The following POGZ variants were observed in gnomAD, a reference collection of about 807,000 sequenced individuals.
POGZ encodes the protein pogo transposable element derived with ZNF domain.
POGZ carries 17 observed loss-of-function variants against 134.6 expected under a neutral mutation model. The ratio of observed to expected loss-of-function variants is 0.13; its 90% CI spans 0.09 to 0.19. POGZ has a LOEUF of 0.19. POGZ is among the 10% of genes least tolerant of loss of function. The pLI is 1.00. For missense variants in POGZ, 1,306 were observed against 1,769.7 expected, an observed-to-expected ratio of 0.74 and a Z score of 4.70; for synonymous variants, 693 against 657.1, an observed-to-expected ratio of 1.05 and a Z score of -0.84.
chr1:151,453,177 C>G (rs1160823795), intron 1 of POGZ, among the ~76,000 whole-genome samples: 1 of 151,980 alleles, frequency 6.6e-6, no homozygotes, highest in Non-Finnish European at 1.5e-5. Flanking sequence ...ATCTTGGCCT[C>G]CCAAAGTGCT....
chr1:151,434,771 A>G (rs937227661), intron 3 of POGZ, among the ~76,000 whole-genome samples: 2 of 151,632 alleles, frequency 1.3e-5, no homozygotes, highest in African/African-American at 4.8e-5. Flanking sequence ...TTTAGTAGAG[A>G]CGGGGTTTTA....
chr1:151,456,919 G>A (rs1662841604), intron 1 of POGZ, among the ~76,000 whole-genome samples: 1 of 152,134 alleles, frequency 6.6e-6, no homozygotes, highest in Non-Finnish European at 1.5e-5. Flanking sequence ...CTGCTTCAAG[G>A]GCATTCTCAA....
intron 1 of POGZ, among the ~76,000 whole-genome samples, chr1:151,447,611 T>C (rs1333788306): frequency 2.0e-5 from 3 of 150,774 alleles, no homozygotes; most frequent in African/African-American, 4.9e-5. Flanking sequence ...AACTAACTCT[T>C]GGGATAACCA....
At position 151,442,225 on chromosome 1, in the gene POGZ, A is replaced by G. The variant is rs779090694; in HGVS notation, c.-1-20T>C. ...GCCATGCTATAAGAAAAACATTCAA[A>G]TAAGATATGGGCCTAAGAATAGGAG... On this transcript the variant is annotated intron_variant, in intron 1 of 18. Transcript: ENST00000271715. 7.5e-6 allele frequency: 12 copies of G among 1,607,926 alleles called. No homozygotes were observed. The highest frequency in any genetic ancestry group is 1.0e-5 in the Non-Finnish European group (12 of 1,177,206).
intron 5 of POGZ, 85 bp from the exon 6 acceptor site, chr1:151,428,498 TCC>T: frequency 8.6e-7 from 1 of 1,160,502 alleles, no homozygotes; most frequent in Non-Finnish European, 1.3e-6. Flanking sequence ...AAAGATTATT[TCC>T]CCAAACTGAT....
At position 151,431,060 on chromosome 1, in the gene POGZ, C is replaced by T. The variant is rs1485400870; in HGVS notation, c.284-219G>A. ...AGGTGATTCTTCCACCTCAGCCTCC[C>T]AAGTACAAATCCACATTTTATTAGA... On this transcript the variant is annotated intron_variant, in intron 3 of 18. Transcript: ENST00000271715. Among the ~76,000 whole-genome samples the T allele has an allele frequency of 2.0e-5, 3 of 152,156 alleles. No homozygotes were observed. In the East Asian group the frequency reaches 5.8e-4, roughly 29 times the overall value.
chr1:151,427,787 A>G (rs760041099), intron 7 of POGZ, 36 bp downstream of exon 7: 13 of 1,347,420 alleles, frequency 9.6e-6, no homozygotes, highest in Admixed American at 5.2e-5. Context: ...ATGTTTTTGA[A>G]TGACTGGCTG....
intron 7 of POGZ, 156 bp from the exon 8 acceptor site, chr1:151,425,217 T>G: frequency 1.9e-6 from 1 of 512,966 alleles, no homozygotes; most frequent in South Asian, 2.0e-5. Context: ...TTGTTTTTTT[T>G]GAGACACGGT....
At chr1:151,417,688 CCACACACACACACA>C (rs59753677) in intron 10 of POGZ, among the ~76,000 whole-genome samples, 55 of 137,562 alleles carry the variant, frequency 4.0e-4, no homozygotes, top group East Asian at 3.7e-3. Flanking sequence ...GGTACTGTGG[CCACACACACACACA>C]CACACACACA....
rs944079061 is a variant in POGZ at position 151,403,518 on chromosome 1, G to T, written c.*1284C>A. 1 of 985,042 alleles carries T rather than the reference G, an allele frequency of 1.0e-6. No individual in the cohort carries two copies. Among genetic ancestry groups the T allele is most frequent in the Non-Finnish European group, 1.2e-6 (1 of 829,422 alleles). The allele number at this position is 985,042 out of a possible 1,614,324, so 61.0% of individuals were successfully genotyped here. ...GGTTTTTTGCTCCTTTTCTCTGTAC[G>T]GTACAGTACGTTTTGGTTTACAACC... On this transcript the variant is annotated 3_prime_UTR_variant, in exon 19 of 19. Transcript: ENST00000271715.
intron 1 of POGZ, among the ~76,000 whole-genome samples, chr1:151,450,415 C>T (rs1661904164): frequency 2.0e-5 from 3 of 151,992 alleles, no homozygotes; most frequent in South Asian, 2.1e-4. Context: ...TGCAGTGGCG[C>T]GATCTCAACT....
intron 1 of POGZ, among the ~76,000 whole-genome samples, chr1:151,456,217 T>C (rs926085400): frequency 1.3e-5 from 2 of 152,226 alleles, no homozygotes; most frequent in African/African-American, 2.4e-5. Flanking sequence ...TACTGAGTTA[T>C]GCCCATCTTC....
Position 151,441,055 on chromosome 1 carries a change from T to C in POGZ, c.156A>G (p.Pro52=). Residue 52 remains proline (P), a synonymous_variant, in exon 3 of 19, where the codon CCA becomes CCG. Transcript: ENST00000271715. The part of the protein sequence containing the change: ...VSVSQQPVSA[P]VPIAAHASVA... ...CAGAAGCATGGGCAGCGATGGGCACTGGAGCCGAGACTGGCTGCTGGCTCA... is the reference window on the plus strand; with the variant it reads ...CAGAAGCATGGGCAGCGATGGGCACCGGAGCCGAGACTGGCTGCTGGCTCA... The C allele has an allele frequency of 6.2e-7, 1 of 1,613,936 alleles. No individual in the cohort carries two copies. Among genetic ancestry groups the C allele is most frequent in the Non-Finnish European group, 8.5e-7 (1 of 1,179,920 alleles).
intron 1 of POGZ, among the ~76,000 whole-genome samples, chr1:151,452,097 C>CAAAAAA (rs574531921): frequency 5.1e-5 from 3 of 59,018 alleles, no homozygotes; most frequent in African/African-American, 1.2e-4. Flanking sequence ...GACTCCGTCT[C>CAAAAAA]AAAAAAAAAA....
rs1163568013 is a variant in POGZ, at chr1:151,429,622, T to C, written c.549A>G (p.Arg183=). 4 of 1,599,444 alleles carry C rather than the reference T, an allele frequency of 2.5e-6. No individual in the cohort carries two copies. The Admixed American group carries it at 6.7e-5, about 27-fold the overall frequency. ...VLNVQQGQTV[R]PITLVPAPGT... ...CCTTACCTGGAACTAGTGTAATTGG[T>C]CTAACCGTTTGGCCTTGCTGTACGT... Residue 183 remains arginine (R), a synonymous_variant, in exon 5 of 19, where the codon AGA becomes AGG. Coordinates refer to ENST00000271715, the MANE Select transcript of POGZ (RefSeq NM_015100.4).
In POGZ at chr1:151,445,842, G is replaced by A. The variant is rs79870698; in HGVS notation, c.-1-3637C>T. On this transcript the variant is annotated intron_variant, in intron 1 of 18. Coordinates refer to ENST00000271715, the MANE Select transcript of POGZ (RefSeq NM_015100.4). ...AACTCAGGGTCTAAAAGATACAACAGAGATATATCAACCTAATATAAATAT... is the reference window on the plus strand; with the variant it reads ...AACTCAGGGTCTAAAAGATACAACAAAGATATATCAACCTAATATAAATAT... 5.0e-3 allele frequency among the ~76,000 whole-genome samples: 754 copies of A among 152,084 alleles called. 21 individuals carry two copies. Among genetic ancestry groups the A allele is most frequent in the East Asian group, 0.042 (217 of 5,184 alleles).
intron 10 of POGZ, among the ~76,000 whole-genome samples, chr1:151,412,728 C>T (rs1654883725): frequency 6.6e-6 from 1 of 152,070 alleles, no homozygotes; most frequent in African/African-American, 2.4e-5. Context: ...TCTTCCTGAG[C>T]TCAAAATTTA....
chr1:151,411,912 C>G (rs1654756095), intron 11 of POGZ, 141 bp from the exon 12 acceptor site: 1 of 644,170 alleles, frequency 1.6e-6, no homozygotes, highest in South Asian at 2.5e-5. Context: ...ATTTTCCTGA[C>G]TTTGTAATGC....
At chr1:151,420,485 G>T (rs778921960) in intron 10 of POGZ, among the ~76,000 whole-genome samples, 1 of 152,002 alleles carries the variant, frequency 6.6e-6, no homozygotes, top group Non-Finnish European at 1.5e-5. Flanking sequence ...CCCAATTTTT[G>T]TATTTTTTTT....
Sources: gnomAD v4.1 joint callset for allele counts (sites outside exome capture counted in the v4.1 genomes callset) on GRCh38, gnomAD v4.1.1 for gene constraint, MANE v1.5 for transcripts, NCBI Gene and HGNC (gene_info 2026-07-23, HGNC 2026-07-21) for gene names.